FBXL17: variants seen among roughly 807,000 people sequenced by gnomAD.
The protein encoded by FBXL17 is F-box and leucine rich repeat protein 17.
A neutral mutation model predicts 66.2 loss-of-function variants in FBXL17; 22 were observed. The observed-to-expected ratio is 0.33, with a 90% CI of 0.24 to 0.47. The LOEUF (loss-of-function observed/expected upper bound fraction) is 0.47, where lower values mean the gene tolerates loss of function less well. Ranked by LOEUF, FBXL17 falls within the 20% of genes least tolerant of loss-of-function variation. The pLI, the probability that FBXL17 is intolerant of heterozygous loss-of-function variation, is 1.00. For synonymous variants in FBXL17, 474 were observed against 400.5 expected (o/e 1.18, Z -2.19); for missense variants, 878 against 948.2 (o/e 0.93, Z 0.97).
At chr5:108,030,621 T>G (rs1746582114) in intron 6 of FBXL17, among the ~76,000 whole-genome samples, 1 of 152,112 alleles carries the variant, frequency 6.6e-6, no homozygotes. Flanking sequence ...AACAAACCAT[T>G]TAGCAAAAGA....
intron 1 of FBXL17, among the ~76,000 whole-genome samples, chr5:108,375,723 T>C (rs1401381003): frequency 6.6e-6 from 1 of 152,166 alleles, no homozygotes; most frequent in African/African-American, 2.4e-5. Context: ...CCAATCTATC[T>C]TAAATTCTTC....
intron 4 of FBXL17, among the ~76,000 whole-genome samples, chr5:108,312,500 T>C (rs1231002841): frequency 2.0e-5 from 3 of 147,414 alleles, no homozygotes; most frequent in African/African-American, 7.3e-5. Context: ...CAGCCACACA[T>C]GTTATGACAC....
At chr5:108,236,845 C>T (rs981758952) in intron 4 of FBXL17, among the ~76,000 whole-genome samples, 18 of 152,310 alleles carry the variant, frequency 1.2e-4, no homozygotes, top group African/African-American at 4.3e-4. Context: ...AGAAAGCCAG[C>T]ATAAAGTAAT....
At chr5:107,867,300 G>A (rs1748304140) in intron 8 of FBXL17, among the ~76,000 whole-genome samples, 1 of 152,216 alleles carries the variant, frequency 6.6e-6, no homozygotes, top group African/African-American at 2.4e-5. Context: ...GACCAAAGCA[G>A]CTCATGATGG....
chr5:107,866,094 T>C (rs1201693148), intron 8 of FBXL17, among the ~76,000 whole-genome samples: 1 of 152,206 alleles, frequency 6.6e-6, no homozygotes, highest in Non-Finnish European at 1.5e-5. Context: ...GAAGTTTTTT[T>C]TTTTTAATTT....
chr5:108,356,213 C>A (rs959096094), intron 3 of FBXL17, among the ~76,000 whole-genome samples: 19 of 151,936 alleles, frequency 1.3e-4, no homozygotes, highest in African/African-American at 4.4e-4. Flanking sequence ...ATGTACCTAA[C>A]AAGAGAGCAT....
chr5:108,235,445 C>T (rs957315516), intron 4 of FBXL17, among the ~76,000 whole-genome samples: 4 of 152,066 alleles, frequency 2.6e-5, no homozygotes, highest in African/African-American at 9.7e-5. Flanking sequence ...TTTCTACTGC[C>T]CCCACCATGG....
rs1194989104 is a variant in FBXL17, at chr5:108,380,899, G to A, written c.793C>T (p.Pro265Ser). ...PQPLCPPPSS[P>S]TSEGAPTEAG... The stretch of plus-strand genomic sequence containing the variant: ...TCGGTGGGGGCACCTTCGGAGGTGG[G>A]AGAAGAGGGCGGAGGGCAGAGCGGC... Residue 265 changes from proline to serine, a missense_variant, in exon 1 of 9, where the codon CCC (proline) becomes TCC (serine). Physicochemically the swap from Pro to Ser is moderately conservative, Grantham distance 74 (BLOSUM62 -1). This residue lies in a region of FBXL17 where 605 missense variants were observed against 509.5 expected (regional missense o/e 1.19). Coordinates refer to ENST00000542267, the MANE Select transcript of FBXL17 (RefSeq NM_001163315.3). The A allele has an allele frequency of 2.4e-6, 3 of 1,234,914 alleles. No individual in the cohort carries two copies. Among genetic ancestry groups the A allele is most frequent in the Non-Finnish European group, 3.0e-6 (3 of 984,686 alleles). The allele number at this position is 1,234,914 out of a possible 1,614,324, so 76.5% of individuals were successfully genotyped here. A position where few individuals can be genotyped will look rare whatever the true frequency, so the allele number is the denominator to read the frequency against.
intron 3 of FBXL17, among the ~76,000 whole-genome samples, chr5:108,357,000 T>C (rs1428213107): frequency 6.6e-6 from 1 of 151,970 alleles, no homozygotes; most frequent in Non-Finnish European, 1.5e-5. Flanking sequence ...CTTTTAAAAG[T>C]CAAAAGAGCA....
Position 108,381,614 on chromosome 5 carries a change from G to C in FBXL17, c.78C>G (p.Arg26=). The C allele has an allele frequency of 1.3e-5, 20 of 1,486,416 alleles. No individual in the cohort carries two copies. The highest frequency in any genetic ancestry group is 1.8e-5 in the Non-Finnish European group (20 of 1,123,600). The allele number at this position is 1,486,416 out of a possible 1,614,324, so 92.1% of individuals were successfully genotyped here. Residue 26 remains arginine, a synonymous_variant, in exon 1 of 9, where the codon CGC becomes CGG. Coordinates refer to ENST00000542267, the MANE Select transcript of FBXL17 (RefSeq NM_001163315.3). ...KRPRCCSWCR[R]RRPLLRLPRR... ...GGGGCAGCCTGAGGAGAGGGCGCCG[G>C]CGGCGGCACCAACTGCAACAGCGAG... is the stretch of plus-strand genomic sequence containing the variant.
intron 3 of FBXL17, among the ~76,000 whole-genome samples, chr5:108,352,297 C>A (rs1747702532): frequency 6.6e-6 from 1 of 152,194 alleles, no homozygotes; most frequent in Non-Finnish European, 1.5e-5. Context: ...TCCAGACTAT[C>A]CAAGCACTGT....
intron 6 of FBXL17, among the ~76,000 whole-genome samples, chr5:108,158,886 T>C (rs1166908498): frequency 6.6e-6 from 1 of 152,034 alleles, no homozygotes; most frequent in African/African-American, 2.4e-5. Context: ...AAAAGAAAGC[T>C]TGATGAGTCT....
At chr5:108,343,559 A>G (rs562789040) in intron 4 of FBXL17, among the ~76,000 whole-genome samples, 3 of 152,326 alleles carry the variant, frequency 2.0e-5, no homozygotes, top group Non-Finnish European at 4.4e-5. Flanking sequence ...TCCTTAATAT[A>G]TTAACTCATA....
At chr5:108,062,369 T>C (rs1747956998) in intron 6 of FBXL17, among the ~76,000 whole-genome samples, 1 of 152,150 alleles carries the variant, frequency 6.6e-6, no homozygotes, top group Admixed American at 6.5e-5. Flanking sequence ...ACGAGGACTA[T>C]CTAACATGAG....
At chr5:108,116,195 T>C (rs1056466176) in intron 6 of FBXL17, among the ~76,000 whole-genome samples, 1 of 152,126 alleles carries the variant, frequency 6.6e-6, no homozygotes. Flanking sequence ...TTTCTCTGCC[T>C]TATATACGTA....
chr5:107,892,328 T>C (rs1749223708), intron 7 of FBXL17, among the ~76,000 whole-genome samples: 2 of 152,154 alleles, frequency 1.3e-5, no homozygotes, highest in African/African-American at 4.8e-5. Flanking sequence ...TTCACACTTA[T>C]TCTTTTATTC....
At chr5:108,110,071 C>G (rs1175695173) in intron 6 of FBXL17, among the ~76,000 whole-genome samples, 1 of 152,052 alleles carries the variant, frequency 6.6e-6, no homozygotes, top group Non-Finnish European at 1.5e-5. Context: ...CCTATTGGTA[C>G]CACACAGCTT....
At chr5:107,861,941 C>A in intron 8 of FBXL17, 81 bp from the exon 9 acceptor site, 2 of 1,355,100 alleles carry the variant, frequency 1.5e-6, no homozygotes, top group Non-Finnish European at 9.6e-7. Flanking sequence ...TGTGCTGCAG[C>A]TGGCTCACTG....
intron 6 of FBXL17, among the ~76,000 whole-genome samples, chr5:108,179,717 T>C (rs1200310962): frequency 6.6e-6 from 1 of 152,218 alleles, no homozygotes; most frequent in Non-Finnish European, 1.5e-5. Context: ...TTTTAACTTA[T>C]TTTAAGCTGC....
Sources: allele counts gnomAD v4.1 joint callset (sites outside exome capture counted in the v4.1 genomes callset), GRCh38; gene constraint gnomAD v4.1.1; regional missense constraint gnomAD v4.1.1; transcripts MANE v1.5; gene names NCBI Gene and HGNC (gene_info 2026-07-23, HGNC 2026-07-21).